The following AGAP1 variants were observed in gnomAD, a reference collection of about 807,000 sequenced individuals.
The protein encoded by AGAP1 is ArfGAP with GTPase domain, ankyrin repeat and PH domain 1.
A neutral mutation model predicts 105.3 loss-of-function variants in AGAP1; 29 were observed. That is an observed-to-expected ratio of 0.28 (90% confidence interval 0.21 to 0.38). The LOEUF (loss-of-function observed/expected upper bound fraction) is 0.38, where lower values mean the gene tolerates loss of function less well. Among genes scored for constraint, AGAP1 ranks in the 10% least tolerant of loss-of-function variants. The pLI is 1.00. For synonymous variants in AGAP1, 509 were observed against 485.9 expected, an observed-to-expected ratio of 1.05 and a Z score of -0.63; for missense variants, 998 against 1,165.1, an observed-to-expected ratio of 0.86 and a Z score of 2.09.
intron 1 of AGAP1, among the ~76,000 whole-genome samples, chr2:235,575,406 G>C (rs1223286237): frequency 6.6e-6 from 1 of 152,274 alleles, no homozygotes; most frequent in Non-Finnish European, 1.5e-5. Flanking sequence ...TGAAGTAGGT[G>C]ATAGTTTAGG....
chr2:236,064,409 G>C (rs538194688), intron 16 of AGAP1, among the ~76,000 whole-genome samples: 1 of 152,002 alleles, frequency 6.6e-6, no homozygotes, highest in African/African-American at 2.4e-5. Flanking sequence ...TGGCCAACAT[G>C]TTGAAATCCT....
At position 235,766,907 on chromosome 2, in the gene AGAP1, A is replaced by ATTTT. The variant is rs71036292; in HGVS notation, c.673+16438_673+16441dup. ...TATGTGCGTGCCACCACACCGGCTA[A>ATTTT]TTTTTTTTTTTTTTTTTTTTTTGTG... On this transcript the variant is annotated intron_variant, in intron 6 of 17. Coordinates refer to ENST00000304032, the MANE Select transcript of AGAP1 (RefSeq NM_001037131.3). Among the ~76,000 whole-genome samples, 10 of 109,916 alleles carry ATTTT rather than the reference A, an allele frequency of 9.1e-5. No homozygotes were observed. The East Asian group carries it at 1.1e-3, about 13-fold the overall frequency. The allele number at this position is 109,916 out of a possible 152,430, so 72.1% of individuals were successfully genotyped here. A position where few individuals can be genotyped will look rare whatever the true frequency, so the allele number is the denominator to read the frequency against.
rs1946433611 is a variant in AGAP1 at position 235,620,241 on chromosome 2, A to G, written c.164-88938A>G. 6.6e-6 allele frequency among the ~76,000 whole-genome samples: 1 copy of G among 152,162 alleles called. No homozygotes were observed. Among genetic ancestry groups the G allele is most frequent in the African/African-American group, 2.4e-5 (1 of 41,422 alleles). ...ATGCAGTGGCTTCCTGAGCCACCTCAGCCATTAGCACCCTGGTCCCGGGCA... is the reference window on the plus strand; with the variant it reads ...ATGCAGTGGCTTCCTGAGCCACCTCGGCCATTAGCACCCTGGTCCCGGGCA... On this transcript the variant is annotated intron_variant, in intron 1 of 17. Transcript: ENST00000304032. This position sits in a 1 kb window ranked among gnomAD's most constrained non-coding sequence, Gnocchi z 4.5.
intron 1 of AGAP1, among the ~76,000 whole-genome samples, chr2:235,510,238 G>A (rs1432799865): frequency 6.6e-6 from 1 of 152,200 alleles, no homozygotes; most frequent in Non-Finnish European, 1.5e-5. Context: ...TCCCTTCAGT[G>A]GGAAAATTGT....
rs570704681 is a variant in AGAP1, at chr2:235,867,369, G to T, written c.1051-15976G>T. Among the ~76,000 whole-genome samples, 32 of 152,248 alleles carry T rather than the reference G, an allele frequency of 2.1e-4. No homozygotes were observed. The South Asian group carries it at 6.4e-3, about 31-fold the overall frequency. ...GTGTTCCGATAAAACTTTATTTACA[G>T]AAAGAGGCAGAGGATCAGATTTGGC... is the stretch of plus-strand genomic sequence containing the variant. On this transcript the variant is annotated intron_variant, in intron 9 of 17. Transcript: ENST00000304032. The surrounding 1 kb of genome is among the most constrained non-coding windows in gnomAD (Gnocchi z 5.4).
chr2:235,807,374 C>G, intron 9 of AGAP1, 43 bp downstream of exon 9: 1 of 1,525,792 alleles, frequency 6.6e-7, no homozygotes, highest in Non-Finnish European at 8.8e-7. Flanking sequence ...GCCGGAGATA[C>G]ACCTCAGGTC....
chr2:235,825,057 G>A (rs1303035508), intron 9 of AGAP1, among the ~76,000 whole-genome samples: 3 of 152,222 alleles, frequency 2.0e-5, no homozygotes, highest in Admixed American at 2.0e-4. Flanking sequence ...GTAGAAAAGT[G>A]CAAATTGCTA....
At chr2:235,510,097 G>A (rs1466105663) in intron 1 of AGAP1, among the ~76,000 whole-genome samples, 1 of 152,116 alleles carries the variant, frequency 6.6e-6, no homozygotes, top group African/African-American at 2.4e-5. Context: ...ACAAGCTCAG[G>A]GCTCCCACTG....
At position 235,961,925 on chromosome 2, in the gene AGAP1, C is replaced by T. The variant is rs1170552062; in HGVS notation, c.1484-6537C>T. ...TGTTTAGTGCCGGGTGCTGGGTGAG[C>T]GAGGGTGGGTGAGCATCCATTTCCC... On this transcript the variant is annotated intron_variant, in intron 12 of 17. Transcript: ENST00000304032. This position sits in a 1 kb window ranked among gnomAD's most constrained non-coding sequence, Gnocchi z 5.9. Among the ~76,000 whole-genome samples, 4 of 152,044 alleles carry T rather than the reference C, an allele frequency of 2.6e-5. No homozygotes were observed. The highest frequency in any genetic ancestry group is 1.9e-4 in the East Asian group (1 of 5,162).
At chr2:235,995,281 G>A (rs60303651) in intron 13 of AGAP1, among the ~76,000 whole-genome samples, 3,402 of 151,978 alleles carry the variant, frequency 0.022, 114 homozygotes, top group African/African-American at 0.077. Flanking sequence ...TTGGGGAGCC[G>A]AGGTGGGCAG....
In AGAP1 at chr2:235,664,246, T is replaced by G. The variant is rs1379455808; in HGVS notation, c.164-44933T>G. Among the ~76,000 whole-genome samples the G allele has an allele frequency of 2.0e-5, 3 of 151,980 alleles. No individual in the cohort carries two copies. Among genetic ancestry groups the G allele is most frequent in the Admixed American group, 2.0e-4 (3 of 15,264 alleles). On this transcript the variant is annotated intron_variant, in intron 1 of 17. Coordinates refer to ENST00000304032, the MANE Select transcript of AGAP1 (RefSeq NM_001037131.3). This position sits in a 1 kb window ranked among gnomAD's most constrained non-coding sequence, Gnocchi z 5.7. ...TTTTTTTCGAGACGGAGTTTCACTA[T>G]TGTTGCCCAGGCTAGAGTGCAGTGG...
chr2:235,755,990 C>T (rs1235405620), intron 6 of AGAP1, among the ~76,000 whole-genome samples: 2 of 152,164 alleles, frequency 1.3e-5, no homozygotes, highest in Non-Finnish European at 2.9e-5. Flanking sequence ...AAGTCATGTT[C>T]AAGGTGGTAG....
rs966875756 is a variant in AGAP1, at chr2:236,001,540, G to A, written c.1645+32917G>A. Among the ~76,000 whole-genome samples, 2 of 152,150 alleles carry A rather than the reference G, an allele frequency of 1.3e-5. No homozygotes were observed. The highest frequency in any genetic ancestry group is 1.3e-4 in the Admixed American group (2 of 15,286). On this transcript the variant is annotated intron_variant, in intron 13 of 17. Transcript: ENST00000304032. The surrounding 1 kb of genome is among the most constrained non-coding windows in gnomAD (Gnocchi z 4.7). ...TTCCCCAGGCATCAGCGCCACAGGA[G>A]GAGAGACACAGACTGTGGCTTGCAA... is the stretch of plus-strand genomic sequence containing the variant.
At chr2:235,946,835 G>A (rs1330793412) in intron 12 of AGAP1, among the ~76,000 whole-genome samples, 2 of 152,090 alleles carry the variant, frequency 1.3e-5, no homozygotes, top group Admixed American at 1.3e-4. Context: ...CCACCCCAGT[G>A]CCTTTTCACC....
At chr2:235,913,445 T>C (rs2051718946) in intron 11 of AGAP1, among the ~76,000 whole-genome samples, 1 of 152,104 alleles carries the variant, frequency 6.6e-6, no homozygotes. Context: ...CTTTGTTGAA[T>C]TTTTTTTCTT....
rs986441735 is a variant in AGAP1, at chr2:235,830,684, G to A, written c.1050+23353G>A. Among the ~76,000 whole-genome samples, 3 of 152,134 alleles carry A rather than the reference G, an allele frequency of 2.0e-5. No individual in the cohort carries two copies. Among genetic ancestry groups the A allele is most frequent in the Admixed American group, 6.5e-5 (1 of 15,274 alleles). On this transcript the variant is annotated intron_variant, in intron 9 of 17. Coordinates refer to ENST00000304032, the MANE Select transcript of AGAP1 (RefSeq NM_001037131.3). The surrounding 1 kb of genome is among the most constrained non-coding windows in gnomAD (Gnocchi z 5.5). ...TGAGGTTTCTAGGCCAGCCCAGGACGGTGTGCGGCCCCAAGCCACTAACAC... is the reference window on the plus strand; with the variant it reads ...TGAGGTTTCTAGGCCAGCCCAGGACAGTGTGCGGCCCCAAGCCACTAACAC...
chr2:235,576,141 G>A (rs1259547676), intron 1 of AGAP1, among the ~76,000 whole-genome samples: 1 of 152,144 alleles, frequency 6.6e-6, no homozygotes, highest in African/African-American at 2.4e-5. Context: ...ACCAGGCTGG[G>A]AGGGCACCAG....
rs557066715 is a variant in AGAP1 at position 236,051,480 on chromosome 2, G to A, written c.2114+2199G>A. ...CTCTGAAATAGGGGGTGATTCCCAG[G>A]GCCAGGGCCAGGGGACCAGGTGGGA... On this transcript the variant is annotated intron_variant, in intron 16 of 17. Transcript: ENST00000304032. This position sits in a 1 kb window ranked among gnomAD's most constrained non-coding sequence, Gnocchi z 5.9. 2.9e-4 allele frequency among the ~76,000 whole-genome samples: 44 copies of A among 152,066 alleles called. No individual in the cohort carries two copies. The highest frequency in any genetic ancestry group is 5.9e-4 in the Non-Finnish European group (40 of 68,006).
At chr2:235,644,127 G>C (rs1275567984) in intron 1 of AGAP1, among the ~76,000 whole-genome samples, 1 of 152,210 alleles carries the variant, frequency 6.6e-6, no homozygotes, top group African/African-American at 2.4e-5. Context: ...CAGCCTTGCA[G>C]ACTTGTAGAT....
Sources: allele counts gnomAD v4.1 joint callset (sites outside exome capture counted in the v4.1 genomes callset), GRCh38; gene constraint gnomAD v4.1.1; non-coding constraint Gnocchi (gnomAD v3.1); transcripts MANE v1.5; gene names NCBI Gene and HGNC (gene_info 2026-07-23, HGNC 2026-07-21).